Variants in ROBO1 observed in about 807,000 individuals in gnomAD.
The protein encoded by ROBO1 is roundabout guidance receptor 1.
Under a neutral mutation model 195.9 loss-of-function variants are expected in ROBO1, and 149 were observed. That is an observed-to-expected ratio of 0.76 (90% CI 0.67 to 0.87). ROBO1 has a LOEUF of 0.87. ROBO1 is among the 40% of genes least tolerant of loss of function. The pLI is 0.00. For missense variants in ROBO1, 1,933 were observed against 2,068.3 expected (o/e 0.93, Z 1.27); for synonymous variants, 816 against 733.2 (o/e 1.11, Z -1.82).
rs112792646 is a variant in ROBO1 at position 78,706,516 on chromosome 3, AT to A, written c.1045+7880del. Among the ~76,000 whole-genome samples the A allele has an allele frequency of 2.3e-4, 35 of 151,506 alleles. No homozygotes were observed. In the East Asian group the frequency reaches 2.9e-3, roughly 13 times the overall value. Reference sequence around the variant, plus strand: ...CTCTTTTTTAAAATTATTTAAAACAATTTTTTTTTAACACTGGGTCTCACTG... The same window carrying A: ...CTCTTTTTTAAAATTATTTAAAACAATTTTTTTTAACACTGGGTCTCACTG... On this transcript the variant is annotated intron_variant, in intron 8 of 30. Coordinates refer to ENST00000464233, the MANE Select transcript of ROBO1 (RefSeq NM_002941.4).
intron 2 of ROBO1, among the ~76,000 whole-genome samples, chr3:79,177,942 A>G (rs1308893753): frequency 6.6e-6 from 1 of 152,224 alleles, no homozygotes; most frequent in Non-Finnish European, 1.5e-5. Flanking sequence ...TTTTTGAGAA[A>G]CATTTGTCTT....
At chr3:79,593,853 G>C (rs1239990768) in intron 1 of ROBO1, among the ~76,000 whole-genome samples, 2 of 151,980 alleles carry the variant, frequency 1.3e-5, no homozygotes, top group African/African-American at 4.8e-5. Flanking sequence ...CTGAGCACAA[G>C]GGATCTGCCC....
chr3:78,804,850 A>G (rs974163335), intron 4 of ROBO1, among the ~76,000 whole-genome samples: 4 of 151,522 alleles, frequency 2.6e-5, no homozygotes, highest in Admixed American at 6.6e-5. Flanking sequence ...CTGTACATCT[A>G]TTAAGAGTTC....
chr3:79,093,164 T>G (rs1292454012), intron 3 of ROBO1, among the ~76,000 whole-genome samples: 1 of 152,118 alleles, frequency 6.6e-6, no homozygotes, highest in Non-Finnish European at 1.5e-5. Context: ...GTGGCCTAAA[T>G]CTATGCTTAA....
At chr3:79,362,012 A>G (rs1016906456) in intron 2 of ROBO1, among the ~76,000 whole-genome samples, 4 of 152,254 alleles carry the variant, frequency 2.6e-5, no homozygotes, top group African/African-American at 9.6e-5. Flanking sequence ...AAAGTTCAGT[A>G]GAGTGCCGGA....
At chr3:78,755,421 A>T (rs563150621) in intron 4 of ROBO1, among the ~76,000 whole-genome samples, 1 of 152,182 alleles carries the variant, frequency 6.6e-6, no homozygotes, top group African/African-American at 2.4e-5. Flanking sequence ...CCACTTTGAG[A>T]CATGATTGCA....
At chr3:79,550,995 C>T (rs1942488951) in intron 2 of ROBO1, among the ~76,000 whole-genome samples, 1 of 152,020 alleles carries the variant, frequency 6.6e-6, no homozygotes, top group Non-Finnish European at 1.5e-5. Context: ...CCAGTTTGAT[C>T]CCCTCTTGCT....
intron 1 of ROBO1, among the ~76,000 whole-genome samples, chr3:79,760,853 T>A (rs13325743): frequency 1.4e-5 from 2 of 141,756 alleles, no homozygotes; most frequent in Middle Eastern, 3.8e-3. Context: ...GGTACTGTTA[T>A]GGGTTTGGGG....
At chr3:79,345,240 G>A (rs376251592) in intron 2 of ROBO1, among the ~76,000 whole-genome samples, 9 of 152,202 alleles carry the variant, frequency 5.9e-5, no homozygotes, top group East Asian at 1.9e-4. Context: ...CTTTGGATTT[G>A]GACAGATTGG....
chr3:79,096,850 T>TAA (rs140134442), intron 3 of ROBO1, among the ~76,000 whole-genome samples: 1 of 151,250 alleles, frequency 6.6e-6, no homozygotes, highest in African/African-American at 2.4e-5. Context: ...CAAAAGAGAC[T>TAA]AAAAAAACCA....
At chr3:78,676,206 T>C (rs1160245193) in intron 10 of ROBO1, among the ~76,000 whole-genome samples, 2 of 151,972 alleles carry the variant, frequency 1.3e-5, no homozygotes, top group Non-Finnish European at 2.9e-5. Context: ...CAAAAGTAGA[T>C]AAAACCAGAA....
intron 5 of ROBO1, among the ~76,000 whole-genome samples, chr3:78,722,507 A>T (rs2608024): frequency 1 from 152,225 of 152,254 alleles, 76,098 homozygotes; most frequent in Non-Finnish European, 1. Flanking sequence ...TGAAAAATAT[A>T]ACATTTGCAA....
rs138610146 is a variant in ROBO1, at chr3:79,351,170, T to C, written c.89-225631A>G. The stretch of plus-strand genomic sequence containing the variant: ...TGAGATCTGAGACCTCAACAAGGCA[T>C]ATAAAAAATTATGACTAAATAAAAA... On this transcript the variant is annotated intron_variant, in intron 2 of 30. Transcript: ENST00000464233. Among the ~76,000 whole-genome samples the C allele has an allele frequency of 5.6e-3, 854 of 152,078 alleles. 11 individuals are homozygous for C. The highest frequency in any genetic ancestry group is 0.029 in the East Asian group (152 of 5,178).
chr3:79,402,899 T>C (rs919612858), intron 2 of ROBO1, among the ~76,000 whole-genome samples: 1 of 151,982 alleles, frequency 6.6e-6, no homozygotes, highest in Non-Finnish European at 1.5e-5. Flanking sequence ...GAAATTTCTT[T>C]AGCAGTGAAT....
intron 2 of ROBO1, among the ~76,000 whole-genome samples, chr3:79,465,303 C>A (rs1937899881): frequency 6.6e-6 from 1 of 152,070 alleles, no homozygotes; most frequent in African/African-American, 2.4e-5. Context: ...TCTAAACTGT[C>A]TCAACTCAGA....
At chr3:79,539,220 T>C (rs556386915) in intron 2 of ROBO1, among the ~76,000 whole-genome samples, 7 of 152,148 alleles carry the variant, frequency 4.6e-5, no homozygotes, top group Non-Finnish European at 1.0e-4. Context: ...AAGTGCACAT[T>C]TAATACATTT....
At chr3:79,125,657 A>G in intron 2 of ROBO1, 118 bp from the exon 3 acceptor site, 2 of 746,372 alleles carry the variant, frequency 2.7e-6, no homozygotes, top group Non-Finnish European at 4.7e-6. Flanking sequence ...ACACACAAGG[A>G]CAACACACAG....
chr3:79,305,857 G>T (rs2033193473), intron 2 of ROBO1, among the ~76,000 whole-genome samples: 1 of 151,930 alleles, frequency 6.6e-6, no homozygotes, highest in African/African-American at 2.4e-5. Context: ...ATAAGAAACA[G>T]AAATAATTTC....
intron 4 of ROBO1, among the ~76,000 whole-genome samples, chr3:78,786,097 A>C (rs567127480): frequency 6.6e-6 from 1 of 152,168 alleles, no homozygotes; most frequent in Admixed American, 6.5e-5. Context: ...ACATAAGATC[A>C]GAAGTCCTTT....
Sources: gnomAD v4.1 joint callset for allele counts (sites outside exome capture counted in the v4.1 genomes callset) on GRCh38, gnomAD v4.1.1 for gene constraint, MANE v1.5 for transcripts, NCBI Gene and HGNC (gene_info 2026-07-23, HGNC 2026-07-21) for gene names.